The following ACSM1 variants were observed in gnomAD, a reference collection of about 807,000 sequenced individuals.
ACSM1 encodes acyl-CoA synthetase medium chain family member 1, also known as acyl-coenzyme A synthetase ACSM1, mitochondrial.
Under a neutral mutation model 75.8 loss-of-function variants are expected in ACSM1, and 79 were observed. That is an observed-to-expected ratio of 1.04 (90% confidence interval 0.87 to 1.26). ACSM1 has a LOEUF of 1.26. ACSM1 is among the 50% of genes most tolerant of loss of function. The pLI is 0.00. For missense variants in ACSM1, 676 were observed against 720.1 expected (o/e 0.94, Z 0.70); for synonymous variants, 279 against 265.8 (o/e 1.05, Z -0.48).
chr16:20,665,664 A>G (rs946470592), intron 6 of ACSM1, among the ~76,000 whole-genome samples: 1 of 152,134 alleles, frequency 6.6e-6, no homozygotes, highest in Non-Finnish European at 1.5e-5. Context: ...GCACCAAAAT[A>G]TGGCAGAGAT....
At chr16:20,632,669 A>C (rs1297039921) in intron 10 of ACSM1, among the ~76,000 whole-genome samples, 1 of 152,220 alleles carries the variant, frequency 6.6e-6, no homozygotes, top group African/African-American at 2.4e-5. Context: ...GAAAAGGAAA[A>C]ATTTTATAAG....
rs563066159 is a variant in ACSM1, at chr16:20,678,760, G to T, written c.611+3496C>A. 2.2e-4 allele frequency among the ~76,000 whole-genome samples: 34 copies of T among 152,306 alleles called. No individual in the cohort carries two copies. The South Asian group carries it at 5.0e-3, about 22-fold the overall frequency. ...ACAGACTGCAGAGCTCAGGTAAAGC[G>T]AAGAGCATGAACCAGACACTAAAAC... On this transcript the variant is annotated intron_variant, in intron 4 of 13. Transcript: ENST00000520010.
At chr16:20,635,855 G>A (rs1376059836) in intron 10 of ACSM1, among the ~76,000 whole-genome samples, 1 of 152,078 alleles carries the variant, frequency 6.6e-6, no homozygotes, top group Non-Finnish European at 1.5e-5. Flanking sequence ...CAACCAGGCT[G>A]GTTTCGAACT....
At chr16:20,635,630 TTCTTTCTTTC>T (rs1441511180) in intron 10 of ACSM1, among the ~76,000 whole-genome samples, 33 of 120,676 alleles carry the variant, frequency 2.7e-4, no homozygotes, top group Admixed American at 8.7e-4. Context: ...CTTTCTTTCT[TTCTTTCTTTC>T]TTTCTTTCTT....
rs770821355 is a variant in ACSM1 at position 20,671,706 on chromosome 16, A to T, written c.612-35T>A. The stretch of plus-strand genomic sequence containing the variant: ...GGTTCAAGACAAAAGGAAAAAAGTC[A>T]TGATTGCTGTTTCTTCATCTTCTGG... On this transcript the variant is annotated intron_variant, in intron 4 of 13. Transcript: ENST00000520010. 15 of 1,477,944 alleles carry T rather than the reference A, an allele frequency of 1.0e-5. No individual in the cohort carries two copies. In the Admixed American group the frequency reaches 2.9e-4, roughly 28 times the overall value. The allele number at this position is 1,477,944 out of a possible 1,614,324, so 91.6% of individuals were successfully genotyped here.
intron 7 of ACSM1, among the ~76,000 whole-genome samples, chr16:20,658,627 T>C (rs531609849): frequency 3.9e-5 from 6 of 152,216 alleles, no homozygotes; most frequent in Admixed American, 6.5e-5. Context: ...TGACTTCTCC[T>C]GTGACAAAAC....
At chr16:20,659,501 A>C (rs751807805) in intron 7 of ACSM1, among the ~76,000 whole-genome samples, 1 of 152,164 alleles carries the variant, frequency 6.6e-6, no homozygotes, top group Non-Finnish European at 1.5e-5. Context: ...GATGGGTTTT[A>C]TTTAACCCTG....
Position 20,624,191 on chromosome 16 carries a change from T to A in ACSM1, c.1552A>T (p.Thr518Ser), listed in dbSNP as rs1438233741. 5 of 1,612,230 alleles carry A rather than the reference T, an allele frequency of 3.1e-6. No individual in the cohort carries two copies. In the Admixed American group the frequency reaches 5.0e-5, roughly 16 times the overall value. Reference protein sequence around the residue: ...GEVVKAFIVLTPQFLSHDKDQ... With the variant: ...GEVVKAFIVLSPQFLSHDKDQ... ...TTGTCATGGGACAGGAACTGTGGGG[T>A]CAGGACAATAAAGGCCTTCACCACC... Residue 518 changes from threonine to serine, a missense_variant, in exon 13 of 14, where the codon ACC (threonine) becomes TCC (serine). Physicochemically the swap from Thr to Ser is moderately conservative, Grantham distance 58. Transcript: ENST00000520010.
intron 10 of ACSM1, among the ~76,000 whole-genome samples, chr16:20,630,664 A>G (rs953434316): frequency 6.6e-6 from 1 of 152,196 alleles, no homozygotes; most frequent in African/African-American, 2.4e-5. Context: ...ACCACCACAA[A>G]TTAACTGGAT....
In ACSM1 at chr16:20,669,760, A is replaced by G. The variant is rs78236626; in HGVS notation, c.912+67T>C. The G allele has an allele frequency of 4.6e-6, 7 of 1,509,980 alleles. No homozygotes were observed. In the African/African-American group the frequency reaches 9.8e-5, roughly 21 times the overall value. 93.5% of individuals were successfully genotyped at this position (1,509,980 alleles called of 1,614,324 possible). A position where few individuals can be genotyped will look rare whatever the true frequency, so the allele number is the denominator to read the frequency against. ...TCTTTGCTTAATAAAATATTTTTTTAGCAAGGTCCAGGAAACATGGATTTT... is the reference window on the plus strand; with the variant it reads ...TCTTTGCTTAATAAAATATTTTTTTGGCAAGGTCCAGGAAACATGGATTTT... On this transcript the variant is annotated intron_variant, in intron 6 of 13. Coordinates refer to ENST00000520010, the MANE Select transcript of ACSM1 (RefSeq NM_001318890.3).
At chr16:20,667,395 C>A (rs11864505) in intron 6 of ACSM1, among the ~76,000 whole-genome samples, 4,648 of 152,156 alleles carry the variant, frequency 0.031, 230 homozygotes, top group African/African-American at 0.11. Flanking sequence ...AAGCATCCAA[C>A]AAACATATGA....
intron 4 of ACSM1, among the ~76,000 whole-genome samples, chr16:20,673,694 A>G (rs780804442): frequency 6.6e-6 from 1 of 152,192 alleles, no homozygotes; most frequent in Non-Finnish European, 1.5e-5. Context: ...AAAGCTACCT[A>G]TAAGCCATAG....
intron 4 of ACSM1, among the ~76,000 whole-genome samples, chr16:20,673,459 G>A (rs920461648): frequency 6.6e-6 from 1 of 152,178 alleles, no homozygotes; most frequent in African/African-American, 2.4e-5. Flanking sequence ...TTGCTGTAAT[G>A]TTTGCCTTTT....
intron 9 of ACSM1, 56 bp downstream of exon 9, chr16:20,637,315 T>C (rs1038293080): frequency 2.1e-6 from 3 of 1,448,126 alleles, no homozygotes; most frequent in African/African-American, 1.4e-5. Flanking sequence ...TGGTGTCAAA[T>C]TGTCCAACCC....
chr16:20,626,969 C>T (rs908704240), intron 11 of ACSM1, among the ~76,000 whole-genome samples: 3 of 152,026 alleles, frequency 2.0e-5, no homozygotes, highest in Admixed American at 2.0e-4. Flanking sequence ...CTTATTATGG[C>T]TCCTCTTCCA....
rs535696932 is a variant in ACSM1 at position 20,658,702 on chromosome 16, A to G, written c.992+3092T>C. Among the ~76,000 whole-genome samples the G allele has an allele frequency of 2.0e-5, 3 of 152,264 alleles. No individual in the cohort carries two copies. The South Asian group carries it at 6.2e-4, about 32-fold the overall frequency. ...AGTGGTGGGAAGAATAGATTCGTCT[A>G]TATTAACAAGGCTATAAGAATTTAG... On this transcript the variant is annotated intron_variant, in intron 7 of 13. Transcript: ENST00000520010.
intron 7 of ACSM1, among the ~76,000 whole-genome samples, chr16:20,640,816 T>C (rs1774830905): frequency 1.3e-5 from 2 of 152,196 alleles, no homozygotes; most frequent in African/African-American, 4.8e-5. Flanking sequence ...TTGTGTTCAA[T>C]TGGGAATGTT....
chr16:20,625,492 G>T lies in ACSM1; in HGVS notation c.1458C>A (p.Ser486Arg), dbSNP rs2301672. The change falls in exon 12 of 14, where the codon AGC becomes AGA. Residue 486 changes from serine (S) to arginine (R), a missense_variant. By Grantham distance (110) the Ser-to-Arg change is moderately radical. Coordinates refer to ENST00000520010, the MANE Select transcript of ACSM1 (RefSeq NM_001318890.3). ...GYRIGPAEVE[S>R]ALVEHPAVAE... ...CCACCGCTGGGTGCTCCACCAAAGC[G>T]CTTTCAACCTCTGCAGGCCCGATGC... 6.2e-7 allele frequency: 1 copy of T among 1,614,004 alleles called. No homozygotes were observed. Among genetic ancestry groups the T allele is most frequent in the Non-Finnish European group, 8.5e-7 (1 of 1,179,976 alleles).
chr16:20,683,913 T>C (rs1596950580), intron 3 of ACSM1, among the ~76,000 whole-genome samples: 1 of 152,158 alleles, frequency 6.6e-6, no homozygotes, highest in African/African-American at 2.4e-5. Flanking sequence ...ACAGATGACA[T>C]GGCTTTTCAT....
Sources: allele counts gnomAD v4.1 joint callset (sites outside exome capture counted in the v4.1 genomes callset), GRCh38; gene constraint gnomAD v4.1.1; transcripts MANE v1.5; gene names NCBI Gene and HGNC (gene_info 2026-07-23, HGNC 2026-07-21).